Variants in DSG1 observed in about 807,000 individuals in gnomAD.
The protein encoded by DSG1 is desmoglein-1.
DSG1 carries 39 observed loss-of-function variants against 97.5 expected under a neutral mutation model. The observed-to-expected ratio is 0.40, with a 90% CI of 0.31 to 0.52. The LOEUF (loss-of-function observed/expected upper bound fraction) is 0.52. Among genes scored for constraint, DSG1 ranks in the 20% least tolerant of loss-of-function variants. The pLI, the probability that DSG1 is intolerant of heterozygous loss-of-function variation, is 0.53. For synonymous variants in DSG1, 475 were observed against 443.4 expected (o/e 1.07, Z -0.90); for missense variants, 1,311 against 1,295.4 (o/e 1.01, Z -0.18).
chr18:31,324,815 C>T (rs2071676104), intron 1 of DSG1, among the ~76,000 whole-genome samples: 1 of 152,194 alleles, frequency 6.6e-6, no homozygotes, highest in Admixed American at 6.5e-5. Context: ...TGCCTCTTCC[C>T]ACTAGTCCTA....
chr18:31,348,416 C>T (rs1432196879), intron 14 of DSG1, among the ~76,000 whole-genome samples: 3 of 151,802 alleles, frequency 2.0e-5, no homozygotes, highest in African/African-American at 4.9e-5. Context: ...GTGAATAATG[C>T]CGCAATAAAC....
chr18:31,345,591 A>G (rs1311485195), intron 13 of DSG1: 2 of 183,928 alleles, frequency 1.1e-5, no homozygotes, highest in African/African-American at 4.8e-5. Context: ...AGTGGTTCTC[A>G]TGTCTTTTTC....
Position 31,356,415 on chromosome 18 carries a change from A to C in DSG1, c.*1069A>C, listed in dbSNP as rs761404854. On this transcript the variant is annotated 3_prime_UTR_variant, in exon 15 of 15. Coordinates refer to ENST00000257192, the MANE Select transcript of DSG1 (RefSeq NM_001942.4). Reference sequence around the variant, plus strand: ...GAAGCAGCAGCTTGTAGTATGCTTAAGCTTTGGGGAATTTTTTTTTAAGGG... The same window carrying C: ...GAAGCAGCAGCTTGTAGTATGCTTACGCTTTGGGGAATTTTTTTTTAAGGG... The C allele has an allele frequency of 3.3e-5, 5 of 152,162 alleles. No individual in the cohort carries two copies. The highest frequency in any genetic ancestry group is 5.9e-5 in the Non-Finnish European group (4 of 68,018). The allele number at this position is 152,162 out of a possible 1,614,324, so 9.4% of individuals were successfully genotyped here.
At position 31,343,933 on chromosome 18, in the gene DSG1, C is replaced by A. The variant is rs776380621; in HGVS notation, c.1829C>A (p.Thr610Asn). ...TTGTTTCCTGTCTTTTAGGATATAA[C>A]CACTGTCATACCACAAATACCACCT... ...EGPQPEPRDI[T>N]TVIPQIPPDN... Residue 610 changes from threonine to asparagine, a missense_variant, in exon 13 of 15, where the codon ACC becomes AAC. Around this residue, in one of 3 missense-constraint regions of DSG1, gnomAD observed 1,038 missense variants for 964.6 expected, o/e 1.08. Transcript: ENST00000257192. 3 of 1,611,752 alleles carry A rather than the reference C, an allele frequency of 1.9e-6. No homozygotes were observed. The highest frequency in any genetic ancestry group is 2.5e-6 in the Non-Finnish European group (3 of 1,178,274).
At chr18:31,319,426 G>A (rs2071640197) in intron 1 of DSG1, among the ~76,000 whole-genome samples, 2 of 152,090 alleles carry the variant, frequency 1.3e-5, no homozygotes, top group South Asian at 2.1e-4. Context: ...TAACTAAGGC[G>A]GGACATAATC....
At chr18:31,330,148 G>A in intron 5 of DSG1, 112 bp downstream of exon 5, 1 of 1,327,368 alleles carries the variant, frequency 7.5e-7, no homozygotes, top group Admixed American at 1.7e-5. Flanking sequence ...TAGAAAAGAT[G>A]CAGAATAGCA....
At chr18:31,326,843 A>T (rs754562857) in intron 2 of DSG1, 31 bp from the exon 3 acceptor site, 2 of 1,606,924 alleles carry the variant, frequency 1.2e-6, no homozygotes, top group Admixed American at 3.3e-5. Context: ...TCAAATTAAT[A>T]TATACCATTT....
At position 31,327,116 on chromosome 18, in the gene DSG1, G is replaced by T. The variant is rs915933732; in HGVS notation, c.216+111G>T. On this transcript the variant is annotated intron_variant, in intron 3 of 14. Transcript: ENST00000257192. ...TGTCTCACCGAGAAGCTACGATACA[G>T]AACAGAACTATAGTCACCTAGATGA... 17 of 1,373,400 alleles carry T rather than the reference G, an allele frequency of 1.2e-5. No homozygotes were observed. The East Asian group carries it at 3.5e-4, about 28-fold the overall frequency. The allele number at this position is 1,373,400 out of a possible 1,614,324, so 85.1% of individuals were successfully genotyped here.
chr18:31,324,911 A>G (rs1349592358), intron 1 of DSG1, among the ~76,000 whole-genome samples: 1 of 152,202 alleles, frequency 6.6e-6, no homozygotes, highest in Admixed American at 6.5e-5. Context: ...CCTACTGCAC[A>G]CAGGCATTTA....
Position 31,334,050 on chromosome 18 carries a change from T to A in DSG1, c.853T>A (p.Ser285Thr). 1 of 1,610,658 alleles carries A rather than the reference T, an allele frequency of 6.2e-7. No individual in the cohort carries two copies. The highest frequency in any genetic ancestry group is 1.7e-4 in the Middle Eastern group (1 of 6,022). Residue 285 changes from serine (S) to threonine (T), a missense_variant, in exon 8 of 15, where the codon TCA becomes ACA. Around this residue, in one of 3 missense-constraint regions of DSG1, gnomAD observed 1,038 missense variants for 964.6 expected, o/e 1.08. Coordinates refer to ENST00000257192, the MANE Select transcript of DSG1 (RefSeq NM_001942.4). The part of the protein sequence containing the change: ...TIEIQENTLN[S>T]NLLEIRVIDL... ...AGAAATTCAAGAAAATACTCTAAAT[T>A]CAAATTTGCTCGAGATTAGAGTAAT...
At chr18:31,336,205 A>T in intron 8 of DSG1, 149 bp from the exon 9 acceptor site, 1 of 670,766 alleles carries the variant, frequency 1.5e-6, no homozygotes, top group Non-Finnish European at 2.4e-6. Context: ...ATTAAAGATT[A>T]AAAATTTAAG....
chr18:31,344,738 G>A (rs138161519), intron 13 of DSG1, among the ~76,000 whole-genome samples: 85 of 152,156 alleles, frequency 5.6e-4, no homozygotes, highest in Middle Eastern at 6.8e-3. Flanking sequence ...CACAGTGAGT[G>A]GATAACTACC....
intron 6 of DSG1, among the ~76,000 whole-genome samples, chr18:31,333,126 T>G (rs1194035594): frequency 6.6e-6 from 1 of 152,156 alleles, no homozygotes; most frequent in Non-Finnish European, 1.5e-5. Context: ...TAAGCACCAT[T>G]GAATAGAGTC....
chr18:31,332,051 T>C, intron 6 of DSG1, among the ~76,000 whole-genome samples, 184 bp downstream of exon 6: 1 of 152,096 alleles, frequency 6.6e-6, no homozygotes, highest in East Asian at 1.9e-4. Flanking sequence ...TTCAATTACG[T>C]TTTGTACTAT....
chr18:31,332,735 T>C (rs572744683), intron 6 of DSG1, among the ~76,000 whole-genome samples: 1 of 152,190 alleles, frequency 6.6e-6, no homozygotes, highest in Non-Finnish European at 1.5e-5. Context: ...ATTCATATTA[T>C]TTTAATACTC....
chr18:31,341,528 T>C (rs977799882), intron 11 of DSG1, among the ~76,000 whole-genome samples: 3 of 152,224 alleles, frequency 2.0e-5, no homozygotes, highest in Non-Finnish European at 2.9e-5. Flanking sequence ...TGGAGTTCTT[T>C]TTCCAAAATT....
intron 9 of DSG1, among the ~76,000 whole-genome samples, chr18:31,337,521 GGGATTAC>G (rs1173607963): frequency 6.6e-6 from 1 of 152,084 alleles, no homozygotes; most frequent in Admixed American, 6.6e-5. Context: ...CCAAAGTGCT[GGGATTAC>G]AGGCTTAAGC....
chr18:31,351,074 G>T (rs9748549), intron 14 of DSG1, among the ~76,000 whole-genome samples: 82 of 147,266 alleles, frequency 5.6e-4, no homozygotes, highest in African/African-American at 4.6e-4. Context: ...GTGTCAATTT[G>T]GGATCTTTCC....
intron 3 of DSG1, among the ~76,000 whole-genome samples, chr18:31,327,815 A>T (rs1313161968): frequency 6.6e-6 from 1 of 152,204 alleles, no homozygotes; most frequent in Non-Finnish European, 1.5e-5. Flanking sequence ...TAAACTCCTT[A>T]AGAGGGCAAA....
Sources: allele counts gnomAD v4.1 joint callset (sites outside exome capture counted in the v4.1 genomes callset), GRCh38; gene constraint gnomAD v4.1.1; regional missense constraint gnomAD v4.1.1; transcripts MANE v1.5; gene names NCBI Gene and HGNC (gene_info 2026-07-23, HGNC 2026-07-21).